Variants in NLRP3 observed in about 807,000 individuals in gnomAD.
NLRP3 encodes NLR family pyrin domain containing 3.
NLRP3 carries 48 observed loss-of-function variants against 91.3 expected under a neutral mutation model. The observed-to-expected ratio is 0.53, with a 90% CI of 0.42 to 0.67. The LOEUF is 0.67. Among genes scored for constraint, NLRP3 ranks in the 30% least tolerant of loss-of-function variants. The pLI is 0.00. For synonymous variants in NLRP3, 561 were observed against 507.9 expected (o/e 1.10, Z -1.41); for missense variants, 982 against 1,276.9 (o/e 0.77, Z 3.52).
chr1:247,438,573 G>A lies in NLRP3; in HGVS notation c.2663+2433G>A, dbSNP rs997088461. 3.3e-5 allele frequency among the ~76,000 whole-genome samples: 5 copies of A among 152,026 alleles called. No homozygotes were observed. In the South Asian group the frequency reaches 6.2e-4, roughly 19 times the overall value. On this transcript the variant is annotated intron_variant, in intron 7 of 9. Transcript: ENST00000336119. Reference sequence around the variant, plus strand: ...TAATTTTTGTATTTTTAGTAGATACGGGGTTTCACCATGTTTGCCAGGCTG... The same window carrying A: ...TAATTTTTGTATTTTTAGTAGATACAGGGTTTCACCATGTTTGCCAGGCTG...
intron 8 of NLRP3, 86 bp downstream of exon 8, chr1:247,444,228 C>A (rs975767084): frequency 4.4e-6 from 6 of 1,354,724 alleles, no homozygotes; most frequent in Admixed American, 1.7e-5. Flanking sequence ...ACAAGATAAT[C>A]TGTATCTTAG....
chr1:247,430,315 TG>T (rs1283569561), intron 5 of NLRP3, among the ~76,000 whole-genome samples: 3 of 152,188 alleles, frequency 2.0e-5, no homozygotes, highest in Non-Finnish European at 2.9e-5. Flanking sequence ...CCGCCCTCCT[TG>T]GTTTGTAGAT....
intron 4 of NLRP3, 105 bp from the exon 5 acceptor site, chr1:247,429,479 CG>C: frequency 7.9e-7 from 1 of 1,273,566 alleles, no homozygotes; most frequent in Non-Finnish European, 1.1e-6. Flanking sequence ...TCTTAATCCC[CG>C]GAAGGCATTT....
intron 1 of NLRP3, among the ~76,000 whole-genome samples, chr1:247,416,423 C>T (rs1303605597): frequency 6.6e-6 from 1 of 152,184 alleles, no homozygotes; most frequent in African/African-American, 2.4e-5. Context: ...AGGACAGCGG[C>T]AGCAACCATA....
intron 9 of NLRP3, among the ~76,000 whole-genome samples, chr1:247,446,714 T>C (rs1246761167): frequency 2.6e-5 from 4 of 152,224 alleles, no homozygotes; most frequent in South Asian, 4.1e-4. Flanking sequence ...CTCTGCAGTG[T>C]AGCACATCTT....
In NLRP3 at chr1:247,424,807, G is replaced by T; in HGVS notation, c.1358G>T (p.Gly453Val). The T allele has an allele frequency of 6.2e-7, 1 of 1,609,052 alleles. No individual in the cohort carries two copies. Residue 453 changes from glycine to valine, a missense_variant, in exon 4 of 10, where the codon GGA becomes GTA. Transcript: ENST00000336119. This position sits in a 1 kb window ranked among gnomAD's most constrained non-coding sequence, Gnocchi z 8.1. ...CTTTCCAGTTTGCTGCAGCCCCGGG[G>T]AGGGAGCCAGGAGCACGGCCTCTGC... ...FFLSSLLQPR[G>V]GSQEHGLCAH...
intron 6 of NLRP3, among the ~76,000 whole-genome samples, chr1:247,434,891 A>T (rs769891146): frequency 3.9e-5 from 6 of 152,208 alleles, no homozygotes; most frequent in Non-Finnish European, 5.9e-5. Flanking sequence ...CAATTCCTAA[A>T]AAATAAATAC....
intron 6 of NLRP3, among the ~76,000 whole-genome samples, chr1:247,434,526 C>T (rs1663645884): frequency 6.6e-6 from 1 of 152,180 alleles, no homozygotes; most frequent in South Asian, 2.1e-4. Context: ...GTGCCTACTG[C>T]CTAGCTGACA....
intron 2 of NLRP3, among the ~76,000 whole-genome samples, chr1:247,422,462 T>G (rs977230516): frequency 1.3e-5 from 2 of 152,150 alleles, no homozygotes; most frequent in East Asian, 3.8e-4. Context: ...CCCTAGTGAC[T>G]AACTCTTGTT....
Position 247,423,339 on chromosome 1 carries a change from A to G in NLRP3, c.387A>G (p.Lys129=), listed in dbSNP as rs748240999. The G allele has an allele frequency of 1.2e-6, 2 of 1,613,772 alleles. No homozygotes were observed. Among genetic ancestry groups the G allele is most frequent in the South Asian group, 2.2e-5 (2 of 91,064 alleles). The part of the protein sequence containing the change: ...LEYLSRISIC[K]MKKDYRKKYR... The stretch of plus-strand genomic sequence containing the variant: ...ACCTTTCGAGAATCTCTATTTGTAA[A>G]ATGAAGAAAGGTAAGCGACTGGGGT... Residue 129 remains lysine, a synonymous_variant, in exon 3 of 10, where the codon AAA becomes AAG. Coordinates refer to ENST00000336119, the MANE Select transcript of NLRP3 (RefSeq NM_001243133.2).
At chr1:247,446,423 C>A (rs1394399642) in intron 9 of NLRP3, among the ~76,000 whole-genome samples, 2 of 152,208 alleles carry the variant, frequency 1.3e-5, no homozygotes, top group African/African-American at 4.8e-5. Flanking sequence ...GGCTTCCATG[C>A]CCCACATAAT....
In NLRP3 at chr1:247,448,596, G is replaced by A; in HGVS notation, c.*92G>A. ...GAGAGCTGCGATCCATCCAGGCCAAGACCACAGCTCTGTGATCCTTCCGGT... is the reference window on the plus strand; with the variant it reads ...GAGAGCTGCGATCCATCCAGGCCAAAACCACAGCTCTGTGATCCTTCCGGT... On this transcript the variant is annotated 3_prime_UTR_variant, in exon 10 of 10. Coordinates refer to ENST00000336119, the MANE Select transcript of NLRP3 (RefSeq NM_001243133.2). The A allele has an allele frequency of 1.2e-6, 1 of 805,932 alleles. No homozygotes were observed. Among genetic ancestry groups the A allele is most frequent in the Non-Finnish European group, 2.2e-6 (1 of 448,092 alleles). 49.9% of individuals were successfully genotyped at this position (805,932 alleles called of 1,614,324 possible). A position where few individuals can be genotyped will look rare whatever the true frequency, so the allele number is the denominator to read the frequency against.
intron 8 of NLRP3, 48 bp from the exon 9 acceptor site, chr1:247,444,603 G>C (rs200192749): frequency 6.2e-7 from 1 of 1,603,050 alleles, no homozygotes; most frequent in South Asian, 1.1e-5. Flanking sequence ...TGGGGAGCTA[G>C]GGGGATGGTT....
chr1:247,421,466 A>G (rs1662452728), intron 2 of NLRP3, among the ~76,000 whole-genome samples: 1 of 152,202 alleles, frequency 6.6e-6, no homozygotes, highest in South Asian at 2.1e-4. Flanking sequence ...AAGTAAATAA[A>G]GCAATTATCA....
chr1:247,447,325 A>C (rs1201436611), intron 9 of NLRP3, among the ~76,000 whole-genome samples: 1 of 152,116 alleles, frequency 6.6e-6, no homozygotes, highest in Non-Finnish European at 1.5e-5. Flanking sequence ...ACTCTCTGAT[A>C]TCTCTCCTGT....
intron 5 of NLRP3, among the ~76,000 whole-genome samples, chr1:247,430,165 C>T (rs906600813): frequency 1.3e-5 from 2 of 152,258 alleles, no homozygotes; most frequent in Middle Eastern, 3.4e-3. Flanking sequence ...CATGAGCCAC[C>T]GCACCCGGCC....
chr1:247,440,493 A>G (rs940482191), intron 7 of NLRP3, among the ~76,000 whole-genome samples: 2 of 152,224 alleles, frequency 1.3e-5, no homozygotes, highest in Admixed American at 6.5e-5. Context: ...TCTTCTCTGC[A>G]GTCAGAGTGA....
rs1312679859 is a variant in NLRP3, at chr1:247,418,617, A to G, written c.-184A>G. ...GTGCCCGGCCTTGGCTAACTTTTCA[A>G]AATTAAAGATTTTGACTTGTTACAG... On this transcript the variant is annotated 5_prime_UTR_variant, in exon 2 of 10. Coordinates refer to ENST00000336119, the MANE Select transcript of NLRP3 (RefSeq NM_001243133.2). The G allele has an allele frequency of 5.0e-6, 4 of 803,304 alleles. No homozygotes were observed. Among genetic ancestry groups the G allele is most frequent in the Admixed American group, 4.9e-5 (2 of 40,724 alleles). 49.8% of individuals were successfully genotyped at this position (803,304 alleles called of 1,614,324 possible).
rs994458759 is a variant in NLRP3, at chr1:247,424,539, C to T, written c.1090C>T (p.Arg364Trp). The part of the protein sequence containing the change: ...EKLQHLLDHP[R>W]HVEILGFSEA... ...ACTGCAGCACTTGCTGGACCATCCT[C>T]GGCATGTGGAGATCCTGGGTTTCTC... Residue 364 changes from arginine to tryptophan, a missense_variant, in exon 4 of 10, where the codon CGG (arginine) becomes TGG (tryptophan). Arg to Trp is a moderately radical substitution (Grantham distance 101). This residue lies in a region of NLRP3 where 548 missense variants were observed against 713.7 expected (regional missense o/e 0.77). Transcript: ENST00000336119. The surrounding 1 kb of genome is among the most constrained non-coding windows in gnomAD (Gnocchi z 8.1). The T allele has an allele frequency of 4.3e-6, 7 of 1,614,058 alleles. No homozygotes were observed. The highest frequency in any genetic ancestry group is 1.1e-5 in the South Asian group (1 of 91,078).
Sources: gnomAD v4.1 joint callset for allele counts (sites outside exome capture counted in the v4.1 genomes callset) on GRCh38, gnomAD v4.1.1 for gene constraint, gnomAD v4.1.1 regional missense constraint, Gnocchi (gnomAD v3.1) non-coding constraint, MANE v1.5 for transcripts, NCBI Gene and HGNC (gene_info 2026-07-23, HGNC 2026-07-21) for gene names.